Variants in WFS1 observed in about 807,000 individuals in gnomAD.
WFS1 encodes the protein wolframin.
WFS1 carries 90 observed loss-of-function variants against 68.5 expected under a neutral mutation model. The observed-to-expected ratio is 1.31, with a 90% CI of 1.11 to 1.56. WFS1 has a LOEUF of 1.56. WFS1 is among the 40% of genes most tolerant of loss of function. WFS1 has a pLI of 0.00. For missense variants in WFS1, 1,767 were observed against 1,232.6 expected (o/e 1.43, Z -6.49); for synonymous variants, 860 against 540.7 (o/e 1.59, Z -8.19).
intron 7 of WFS1, among the ~76,000 whole-genome samples, chr4:6,299,498 G>T (rs547760938): frequency 2.0e-5 from 3 of 150,098 alleles, no homozygotes; most frequent in African/African-American, 7.4e-5. Context: ...GCACGTGTGT[G>T]TAGGGGTGGG....
At chr4:6,277,779 C>T (rs1730043279) in intron 2 of WFS1, 92 bp downstream of exon 2, 3 of 1,394,276 alleles carry the variant, frequency 2.2e-6, no homozygotes, top group African/African-American at 1.4e-5. Context: ...GTCCCCCCGC[C>T]AGGTCCTCTG....
At chr4:6,278,660 C>T (rs1466538562) in intron 2 of WFS1, among the ~76,000 whole-genome samples, 6 of 152,210 alleles carry the variant, frequency 3.9e-5, no homozygotes, top group Non-Finnish European at 8.8e-5. Flanking sequence ...CTGGCAGGGC[C>T]GTGGGGCCTC....
At chr4:6,271,377 G>C (rs1418888080) in intron 1 of WFS1, among the ~76,000 whole-genome samples, 1 of 152,154 alleles carries the variant, frequency 6.6e-6, no homozygotes, top group African/African-American at 2.4e-5. Flanking sequence ...TCTGACTTAG[G>C]CCTCCCCTGC....
rs183938823 is a variant in WFS1 at position 6,283,267 on chromosome 4, C to T, written c.233-3826C>T. Among the ~76,000 whole-genome samples, 32 of 152,300 alleles carry T rather than the reference C, an allele frequency of 2.1e-4. No individual in the cohort carries two copies. In the East Asian group the frequency reaches 6.0e-3, roughly 29 times the overall value. On this transcript the variant is annotated intron_variant, in intron 2 of 7. Transcript: ENST00000226760. This position sits in a 1 kb window ranked among gnomAD's most constrained non-coding sequence, Gnocchi z 5.0. ...CCTCACAGAGGGAAGGAGACCTGCC[C>T]ATGGTATCCAGCTCTGATCACACTG...
chr4:6,299,459 T>G (rs1263708637), intron 7 of WFS1, among the ~76,000 whole-genome samples: 1 of 140,270 alleles, frequency 7.1e-6, no homozygotes, highest in Admixed American at 7.1e-5. Flanking sequence ...GGTGTGCATG[T>G]GTGAGGGTGC....
chr4:6,277,972 A>G (rs1730048174), intron 2 of WFS1, among the ~76,000 whole-genome samples: 1 of 152,208 alleles, frequency 6.6e-6, no homozygotes, highest in African/African-American at 2.4e-5. Flanking sequence ...TTCCATTTGC[A>G]ACAGCGTCCA....
rs1405752612 is a variant in WFS1 at position 6,301,932 on chromosome 4, G to C, written c.2137G>C (p.Asp713His). ...CAAGTACGTCCGCGTGACTGACATC[G>C]ACAACAGCGCCGAGTCTGCCATCAA... is the stretch of plus-strand genomic sequence containing the variant. ...RFKYVRVTDI[D>H]NSAESAINML... Residue 713 changes from aspartate to histidine, a missense_variant, in exon 8 of 8, where the codon GAC (aspartate) becomes CAC (histidine). Physicochemically the swap from Asp to His is moderately conservative, Grantham distance 81 (BLOSUM62 -1). Transcript: ENST00000226760. The C allele has an allele frequency of 1.9e-6, 3 of 1,612,756 alleles. No homozygotes were observed. Among genetic ancestry groups the C allele is most frequent in the African/African-American group, 1.3e-5 (1 of 74,938 alleles).
intron 1 of WFS1, among the ~76,000 whole-genome samples, chr4:6,275,134 A>T (rs1729956637): frequency 6.6e-6 from 1 of 152,236 alleles, no homozygotes; most frequent in Non-Finnish European, 1.5e-5. Flanking sequence ...AAAGACAAGT[A>T]CAGAGAACAG....
At chr4:6,294,026 T>G (rs1730552886) in intron 6 of WFS1, among the ~76,000 whole-genome samples, 1 of 152,186 alleles carries the variant, frequency 6.6e-6, no homozygotes, top group Non-Finnish European at 1.5e-5. Context: ...CAGCTACACC[T>G]GGGTGCTGCC....
intron 2 of WFS1, among the ~76,000 whole-genome samples, chr4:6,279,665 A>C (rs1179996412): frequency 1.3e-5 from 2 of 152,144 alleles, no homozygotes; most frequent in Non-Finnish European, 2.9e-5. Flanking sequence ...ACAGGAGTGA[A>C]CAAGGAACTA....
chr4:6,293,970 C>T (rs555723696), intron 6 of WFS1, among the ~76,000 whole-genome samples: 1 of 152,190 alleles, frequency 6.6e-6, no homozygotes, highest in South Asian at 2.1e-4. Flanking sequence ...CCTGTGCTAC[C>T]TGCCACTTGT....
intron 4 of WFS1, 45 bp downstream of exon 4, chr4:6,289,176 G>C: frequency 6.5e-7 from 1 of 1,537,438 alleles, no homozygotes; most frequent in Non-Finnish European, 8.8e-7. Flanking sequence ...GGGTTGAGCA[G>C]CTTGTAATGC....
In WFS1 at chr4:6,283,001, A is replaced by G. The variant is rs187695519; in HGVS notation, c.233-4092A>G. 8.5e-5 allele frequency among the ~76,000 whole-genome samples: 13 copies of G among 152,330 alleles called. No individual in the cohort carries two copies. The highest frequency in any genetic ancestry group is 3.9e-4 in the Admixed American group (6 of 15,304). On this transcript the variant is annotated intron_variant, in intron 2 of 7. Coordinates refer to ENST00000226760, the MANE Select transcript of WFS1 (RefSeq NM_006005.3). This position sits in a 1 kb window ranked among gnomAD's most constrained non-coding sequence, Gnocchi z 5.0. Reference sequence around the variant, plus strand: ...GTGGCGAGACGGGTGAGACCCACGGACATAGATGGCATCCACGAAGGCTGG... The same window carrying G: ...GTGGCGAGACGGGTGAGACCCACGGGCATAGATGGCATCCACGAAGGCTGG...
rs879134962 is a variant in WFS1 at position 6,300,912 on chromosome 4, A to G, written c.1117A>G (p.Asn373Asp). The G allele has an allele frequency of 1.2e-6, 2 of 1,613,944 alleles. No homozygotes were observed. The highest frequency in any genetic ancestry group is 2.7e-5 in the African/African-American group (2 of 74,956). Residue 373 changes from asparagine to aspartate, a missense_variant, in exon 8 of 8, where the codon AAC becomes GAC. By Grantham distance (23) the Asn-to-Asp change is conservative (BLOSUM62 1). Transcript: ENST00000226760. Reference sequence around the variant, plus strand: ...GTTCCAGGACAGCAAGGCCTGGGAGAACTTCCGCACCCTCACCGACCTGCT... The same window carrying G: ...GTTCCAGGACAGCAAGGCCTGGGAGGACTTCCGCACCCTCACCGACCTGCT... ...KVFQDSKAWE[N>D]FRTLTDLLLR...
At chr4:6,272,618 C>T (rs1266432514) in intron 1 of WFS1, among the ~76,000 whole-genome samples, 1 of 152,190 alleles carries the variant, frequency 6.6e-6, no homozygotes, top group East Asian at 1.9e-4. Context: ...TTTAAAATAA[C>T]ATTTGCTTTA....
intron 5 of WFS1, among the ~76,000 whole-genome samples, chr4:6,291,672 C>A (rs554544517): frequency 1.7e-4 from 26 of 152,322 alleles, no homozygotes; most frequent in African/African-American, 6.3e-4. Context: ...CCACGTCTAC[C>A]AATGGGACGG....
In WFS1 at chr4:6,277,588, G is replaced by A. The variant is rs1014892217; in HGVS notation, c.133G>A (p.Gly45Arg). The A allele has an allele frequency of 1.8e-5, 29 of 1,581,258 alleles. No homozygotes were observed. Among genetic ancestry groups the A allele is most frequent in the African/African-American group, 6.7e-5 (5 of 74,280 alleles). The change falls in exon 2 of 8, where the codon GGA (glycine) becomes AGA (arginine). Residue 45 changes from glycine (G) to arginine (R), a missense_variant. By Grantham distance (125) the Gly-to-Arg change is moderately radical. Coordinates refer to ENST00000226760, the MANE Select transcript of WFS1 (RefSeq NM_006005.3). ...GAGGAGCGAAAGGCCCCGAGCACCC[G>A]GACCCCAGGCTGGCCCTGGCCCTGG... is the stretch of plus-strand genomic sequence containing the variant. ...QERSERPRAP[G>R]PQAGPGPGVR... is the part of the protein sequence containing the mutation.
intron 1 of WFS1, among the ~76,000 whole-genome samples, chr4:6,272,633 C>G (rs149704631): frequency 1.1e-4 from 17 of 152,274 alleles, no homozygotes; most frequent in African/African-American, 3.9e-4. Flanking sequence ...GCTTTAATTT[C>G]AAAAACATCA....
rs1018522013 is a variant in WFS1 at position 6,302,873 on chromosome 4, T to G, written c.*405T>G. ...TGTTTAAAAACCAAATAAGCATCTGTGTAACCTCCACAGTAGCATTTCTTA... is the reference window on the plus strand; with the variant it reads ...TGTTTAAAAACCAAATAAGCATCTGGGTAACCTCCACAGTAGCATTTCTTA... On this transcript the variant is annotated 3_prime_UTR_variant, in exon 8 of 8. Transcript: ENST00000226760. 3.6e-6 allele frequency: 1 copy of G among 280,738 alleles called. No individual in the cohort carries two copies. Among genetic ancestry groups the G allele is most frequent in the African/African-American group, 2.2e-5 (1 of 45,504 alleles). The allele number at this position is 280,738 out of a possible 1,614,324, so 17.4% of individuals were successfully genotyped here. A position where few individuals can be genotyped will look rare whatever the true frequency, so the allele number is the denominator to read the frequency against.
Sources: gnomAD v4.1 joint callset for allele counts (sites outside exome capture counted in the v4.1 genomes callset) on GRCh38, gnomAD v4.1.1 for gene constraint, Gnocchi (gnomAD v3.1) non-coding constraint, MANE v1.5 for transcripts, NCBI Gene and HGNC (gene_info 2026-07-23, HGNC 2026-07-21) for gene names.